CCSER1: variants seen among roughly 807,000 people sequenced by gnomAD.
CCSER1 encodes the protein coiled-coil serine rich protein 1.
Under a neutral mutation model 82.0 loss-of-function variants are expected in CCSER1, and 41 were observed. The observed-to-expected ratio is 0.50, with a 90% CI of 0.39 to 0.65. The LOEUF (loss-of-function observed/expected upper bound fraction) is 0.65. CCSER1 is among the 30% of genes least tolerant of loss of function. CCSER1 has a pLI of 0.00. For synonymous variants in CCSER1, 414 were observed against 383.9 expected (o/e 1.08, Z -0.92); for missense variants, 1,119 against 1,064.2 (o/e 1.05, Z -0.72).
intron 10 of CCSER1, among the ~76,000 whole-genome samples, chr4:91,504,279 C>T (rs1400126728): frequency 6.6e-6 from 1 of 152,130 alleles, no homozygotes; most frequent in Admixed American, 6.5e-5. Flanking sequence ...ACTTTATTAA[C>T]TATGCTGTAA....
chr4:90,158,765 C>G (rs1274054255), intron 1 of CCSER1, among the ~76,000 whole-genome samples: 1 of 152,170 alleles, frequency 6.6e-6, no homozygotes, highest in Admixed American at 6.5e-5. Context: ...ACCCGATTTT[C>G]CAGGTGCTGT....
chr4:90,506,093 A>G (rs1468266012), intron 5 of CCSER1, among the ~76,000 whole-genome samples: 1 of 152,208 alleles, frequency 6.6e-6, no homozygotes, highest in African/African-American at 2.4e-5. Flanking sequence ...GACCTAGCAC[A>G]TGTTGTTGCT....
chr4:90,337,797 A>G, intron 3 of CCSER1, among the ~76,000 whole-genome samples: 1 of 152,170 alleles, frequency 6.6e-6, no homozygotes, highest in Non-Finnish European at 1.5e-5. Context: ...TGTTAAATAA[A>G]ATAATTTTTT....
intron 9 of CCSER1, among the ~76,000 whole-genome samples, chr4:91,029,624 A>G (rs2150551133): frequency 6.6e-6 from 1 of 152,214 alleles, no homozygotes; most frequent in Non-Finnish European, 1.5e-5. Flanking sequence ...AGAAGAACTA[A>G]TAATTATAAA....
At chr4:90,895,746 G>A (rs551112192) in intron 8 of CCSER1, among the ~76,000 whole-genome samples, 1 of 151,928 alleles carries the variant, frequency 6.6e-6, no homozygotes, top group South Asian at 2.1e-4. Flanking sequence ...ACAGAAAGTT[G>A]TATATATTAT....
rs148799317 is a variant in CCSER1 at position 90,937,480 on chromosome 4, A to AACACACACACACAC, written c.2172+14043_2172+14056dup. ...ACGTCGTGTTGTATTTCTAATTTGA[A>AACACACACACACAC]ACACACACACACACACACACACAAA... On this transcript the variant is annotated intron_variant, in intron 9 of 10. Transcript: ENST00000509176. 4.9e-3 allele frequency among the ~76,000 whole-genome samples: 719 copies of AACACACACACACAC among 146,136 alleles called. 5 individuals carry two copies. The highest frequency in any genetic ancestry group is 9.7e-3 in the East Asian group (48 of 4,962).
intron 5 of CCSER1, among the ~76,000 whole-genome samples, chr4:90,594,419 C>T (rs888226504): frequency 6.6e-6 from 1 of 152,042 alleles, no homozygotes; most frequent in African/African-American, 2.4e-5. Flanking sequence ...AAGAATTTAA[C>T]TAGCCCTGTG....
intron 10 of CCSER1, among the ~76,000 whole-genome samples, chr4:91,282,832 T>C (rs1440385683): frequency 6.6e-6 from 1 of 152,122 alleles, no homozygotes. Flanking sequence ...CCTTAAAAAC[T>C]TAATGGTTCT....
chr4:90,908,637 G>A (rs1438870215), intron 8 of CCSER1, among the ~76,000 whole-genome samples: 3 of 152,062 alleles, frequency 2.0e-5, no homozygotes, highest in Non-Finnish European at 4.4e-5. Context: ...TATTTTGTGA[G>A]TGAAACTTTT....
At chr4:90,480,785 G>T (rs1054485876) in intron 5 of CCSER1, among the ~76,000 whole-genome samples, 9 of 152,154 alleles carry the variant, frequency 5.9e-5, no homozygotes, top group Non-Finnish European at 1.2e-4. Flanking sequence ...CTGTAGCCTT[G>T]TAGTATAGTT....
intron 6 of CCSER1, among the ~76,000 whole-genome samples, chr4:90,705,527 GA>G (rs1356340786): frequency 6.6e-6 from 1 of 152,224 alleles, no homozygotes; most frequent in Non-Finnish European, 1.5e-5. Context: ...TATGTCTGCA[GA>G]GGTTTCTGCT....
intron 7 of CCSER1, among the ~76,000 whole-genome samples, chr4:90,754,563 A>C (rs1749196084): frequency 6.6e-6 from 1 of 152,126 alleles, no homozygotes; most frequent in Non-Finnish European, 1.5e-5. Flanking sequence ...GTGTCATTCA[A>C]GATACAACCT....
At chr4:90,588,268 A>G (rs1782262988) in intron 5 of CCSER1, among the ~76,000 whole-genome samples, 1 of 152,166 alleles carries the variant, frequency 6.6e-6, no homozygotes, top group African/African-American at 2.4e-5. Context: ...CGACACTTGA[A>G]CTTCTTTCAA....
chr4:91,390,288 T>C (rs1161011283), intron 10 of CCSER1, among the ~76,000 whole-genome samples: 2 of 152,024 alleles, frequency 1.3e-5, no homozygotes, highest in Non-Finnish European at 2.9e-5. Context: ...TTTCTGCATA[T>C]ATTTATATAA....
intron 3 of CCSER1, among the ~76,000 whole-genome samples, chr4:90,384,699 GC>G (rs1308515722): frequency 6.6e-6 from 1 of 152,018 alleles, no homozygotes; most frequent in Non-Finnish European, 1.5e-5. Context: ...GCTTCTCTAT[GC>G]CCCACTAATG....
chr4:91,165,771 G>T (rs762107484), intron 10 of CCSER1, among the ~76,000 whole-genome samples: 3 of 152,378 alleles, frequency 2.0e-5, no homozygotes, highest in South Asian at 2.1e-4. Context: ...TATGTCATTT[G>T]CTAAGACCAT....
intron 10 of CCSER1, among the ~76,000 whole-genome samples, chr4:91,556,241 TA>T (rs570201064): frequency 6.6e-6 from 1 of 150,984 alleles, no homozygotes. Flanking sequence ...ACTTTAGCTT[TA>T]AAGTTATGAT....
rs1376170014 is a variant in CCSER1 at position 90,237,191 on chromosome 4, G to A, written c.-41-71053G>A. 2.6e-5 allele frequency among the ~76,000 whole-genome samples: 4 copies of A among 152,130 alleles called. No individual in the cohort carries two copies. The South Asian group carries it at 8.3e-4, about 32-fold the overall frequency. On this transcript the variant is annotated intron_variant, in intron 1 of 10. Coordinates refer to ENST00000509176, the MANE Select transcript of CCSER1 (RefSeq NM_001145065.2). ...TAATGGGAATTTCTGTCTTTTATCT[G>A]CATGAAGATGCTAATGTTCTCTTAA...
chr4:91,558,727 T>C (rs1383139983), intron 10 of CCSER1, among the ~76,000 whole-genome samples: 1 of 151,552 alleles, frequency 6.6e-6, no homozygotes, highest in Non-Finnish European at 1.5e-5. Context: ...CCATCAGATT[T>C]TGTGAGACTT....
Sources: allele counts gnomAD v4.1 joint callset (sites outside exome capture counted in the v4.1 genomes callset), GRCh38; gene constraint gnomAD v4.1.1; transcripts MANE v1.5; gene names NCBI Gene and HGNC (gene_info 2026-07-23, HGNC 2026-07-21).